The following CACHD1 variants were observed in gnomAD, a reference collection of about 807,000 sequenced individuals.
CACHD1 encodes cache domain containing 1.
A neutral mutation model predicts 138.7 loss-of-function variants in CACHD1; 71 were observed. The ratio of observed to expected loss-of-function variants is 0.51; its 90% CI spans 0.42 to 0.62. CACHD1 has a LOEUF of 0.62. Ranked by LOEUF, CACHD1 falls within the 20% of genes least tolerant of loss-of-function variation. CACHD1 has a pLI of 0.00. For synonymous variants in CACHD1, 578 were observed against 591.5 expected, an observed-to-expected ratio of 0.98 and a Z score of 0.33; for missense variants, 1,389 against 1,625.3, an observed-to-expected ratio of 0.85 and a Z score of 2.50.
Position 64,541,346 on chromosome 1 carries a change from T to C in CACHD1, c.199-9248T>C, listed in dbSNP as rs898445580. Among the ~76,000 whole-genome samples, 7 of 151,958 alleles carry C rather than the reference T, an allele frequency of 4.6e-5. No homozygotes were observed. The East Asian group carries it at 7.8e-4, about 17-fold the overall frequency. On this transcript the variant is annotated intron_variant, in intron 1 of 26. Transcript: ENST00000651257. ...AAGACTGGAAGGAAATAAAGTAAAATGTAAACAATATTGGTTTTTATGGAG... is the reference window on the plus strand; with the variant it reads ...AAGACTGGAAGGAAATAAAGTAAAACGTAAACAATATTGGTTTTTATGGAG...
chr1:64,531,792 G>A (rs1646589042), intron 1 of CACHD1, among the ~76,000 whole-genome samples: 1 of 152,150 alleles, frequency 6.6e-6, no homozygotes, highest in Non-Finnish European at 1.5e-5. Context: ...GGGTTTGGTT[G>A]GTGATACTGC....
At chr1:64,631,561 A>G (rs946228470) in intron 5 of CACHD1, among the ~76,000 whole-genome samples, 12 of 152,184 alleles carry the variant, frequency 7.9e-5, no homozygotes, top group African/African-American at 2.9e-4. Flanking sequence ...AACATTTCAC[A>G]GGAAAATCTA....
chr1:64,515,247 A>T (rs1281370283), intron 1 of CACHD1, among the ~76,000 whole-genome samples: 1 of 152,234 alleles, frequency 6.6e-6, no homozygotes, highest in African/African-American at 2.4e-5. Context: ...TGAACCAGAT[A>T]CTTACAAAAA....
intron 8 of CACHD1, among the ~76,000 whole-genome samples, chr1:64,644,930 T>G (rs1648855236): frequency 6.6e-6 from 1 of 152,252 alleles, no homozygotes; most frequent in East Asian, 1.9e-4. Flanking sequence ...AAACCCCATC[T>G]CTACTAAAAT....
chr1:64,521,023 A>T (rs2100374619), intron 1 of CACHD1, among the ~76,000 whole-genome samples: 1 of 152,344 alleles, frequency 6.6e-6, no homozygotes, highest in Non-Finnish European at 1.5e-5. Context: ...CCACAAATTT[A>T]TTCTATCCCA....
chr1:64,623,188 G>T (rs1045053887), intron 4 of CACHD1, among the ~76,000 whole-genome samples: 3 of 152,116 alleles, frequency 2.0e-5, no homozygotes, highest in African/African-American at 7.2e-5. Flanking sequence ...GATCACCTGA[G>T]GTCAGGAGTT....
At chr1:64,561,141 A>T (rs1646835749) in intron 2 of CACHD1, among the ~76,000 whole-genome samples, 1 of 151,846 alleles carries the variant, frequency 6.6e-6, no homozygotes, top group African/African-American at 2.4e-5. Context: ...GAAATGTTTA[A>T]TAAATTAATA....
At chr1:64,613,394 A>C (rs1248468940) in intron 4 of CACHD1, 1 of 152,060 alleles carries the variant, frequency 6.6e-6, no homozygotes, top group Non-Finnish European at 1.5e-5. Context: ...AAATATAAAA[A>C]GACTATAGTG....
chr1:64,569,138 C>T (rs1646906472), intron 2 of CACHD1, among the ~76,000 whole-genome samples: 1 of 152,048 alleles, frequency 6.6e-6, no homozygotes, highest in South Asian at 2.1e-4. Context: ...TCATGCTGGT[C>T]TCGAACTCCC....
chr1:64,581,582 C>T (rs1165100305), intron 2 of CACHD1, among the ~76,000 whole-genome samples: 1 of 152,162 alleles, frequency 6.6e-6, no homozygotes, highest in African/African-American at 2.4e-5. Flanking sequence ...AGACCAAACA[C>T]AAGTATATTT....
rs1350676492 is a variant in CACHD1, at chr1:64,652,224, T to C, written c.1454T>C (p.Val485Ala). The change falls in exon 10 of 27, where the codon GTG becomes GCG. Residue 485 changes from valine to alanine, a missense_variant. Transcript: ENST00000651257. ...AACCTACTTCTGGGAATTGTAGGTG[T>C]GGACGTGAATCTGGCTTACATTCTT... The part of the protein sequence containing the change: ...FGNLLLGIVG[V>A]DVNLAYILED... 5 of 1,613,696 alleles carry C rather than the reference T, an allele frequency of 3.1e-6. No individual in the cohort carries two copies. Among genetic ancestry groups the C allele is most frequent in the Non-Finnish European group, 4.2e-6 (5 of 1,179,768 alleles).
chr1:64,643,440 G>A (rs544655055), intron 8 of CACHD1, among the ~76,000 whole-genome samples: 54 of 152,288 alleles, frequency 3.5e-4, no homozygotes, highest in Non-Finnish European at 7.4e-5. Context: ...AGTTTTAGCT[G>A]TGAAATGAAA....
At chr1:64,473,639 C>A (rs1280438730) in intron 1 of CACHD1, among the ~76,000 whole-genome samples, 1 of 152,168 alleles carries the variant, frequency 6.6e-6, no homozygotes, top group Non-Finnish European at 1.5e-5. Flanking sequence ...AAGGGATTGA[C>A]TCCTTTCATT....
At chr1:64,538,832 G>A (rs1027182060) in intron 1 of CACHD1, among the ~76,000 whole-genome samples, 2 of 152,164 alleles carry the variant, frequency 1.3e-5, no homozygotes, top group South Asian at 2.1e-4. Flanking sequence ...AGCATATTTC[G>A]AAGTATTGAA....
At chr1:64,630,219 T>C (rs1160170652) in intron 5 of CACHD1, among the ~76,000 whole-genome samples, 1 of 152,200 alleles carries the variant, frequency 6.6e-6, no homozygotes, top group East Asian at 1.9e-4. Context: ...ACACAATTAC[T>C]TTAGCTTCCC....
intron 13 of CACHD1, among the ~76,000 whole-genome samples, chr1:64,662,950 TCATTTGCTTTACAAATATTAACTCA>T (rs1468789724): frequency 2.0e-5 from 3 of 152,254 alleles, no homozygotes; most frequent in Non-Finnish European, 4.4e-5. Flanking sequence ...TAGTTAATAC[TCATTTGCTTTACAAATATTAACTCA>T]TTGAATTCTC....
intron 1 of CACHD1, among the ~76,000 whole-genome samples, chr1:64,497,997 C>T (rs1233454280): frequency 2.0e-5 from 3 of 152,050 alleles, no homozygotes; most frequent in East Asian, 1.9e-4. Context: ...CGTGGTGGTG[C>T]GTGCCTGTAA....
chr1:64,483,612 G>A (rs964702632), intron 1 of CACHD1, among the ~76,000 whole-genome samples: 1 of 150,886 alleles, frequency 6.6e-6, no homozygotes, highest in Non-Finnish European at 1.5e-5. Context: ...GGGAGGCCGA[G>A]GTGGCAGGAC....
chr1:64,536,305 A>C (rs976992602), intron 1 of CACHD1, among the ~76,000 whole-genome samples: 1 of 152,190 alleles, frequency 6.6e-6, no homozygotes, highest in African/African-American at 2.4e-5. Flanking sequence ...GCCAGCAGCC[A>C]GAGTCCAACT....
Sources: allele counts gnomAD v4.1 joint callset (sites outside exome capture counted in the v4.1 genomes callset), GRCh38; gene constraint gnomAD v4.1.1; transcripts MANE v1.5; gene names NCBI Gene and HGNC (gene_info 2026-07-23, HGNC 2026-07-21).